Variants in HVCN1 observed in about 807,000 individuals in gnomAD.
HVCN1 encodes the protein hydrogen voltage gated channel 1.
Under a neutral mutation model 29.2 loss-of-function variants are expected in HVCN1, and 14 were observed. That is an observed-to-expected ratio of 0.48 (90% CI 0.32 to 0.75). The LOEUF is 0.75. HVCN1 is among the 30% of genes least tolerant of loss of function. HVCN1 has a pLI of 0.04. For missense variants in HVCN1, 263 were observed against 341.8 expected (o/e 0.77, Z 1.82); for synonymous variants, 131 against 133.2 (o/e 0.98, Z 0.11).
intron 1 of HVCN1, among the ~76,000 whole-genome samples, chr12:110,703,414 A>G (rs1425873675): frequency 6.6e-6 from 1 of 151,826 alleles, no homozygotes; most frequent in Non-Finnish European, 1.5e-5. Context: ...AAAAATTAAA[A>G]ATTAAAAAAA....
At chr12:110,669,299 G>A (rs575911648) in intron 3 of HVCN1, among the ~76,000 whole-genome samples, 1 of 151,934 alleles carries the variant, frequency 6.6e-6, no homozygotes, top group African/African-American at 2.4e-5. Flanking sequence ...TCCCTCACCA[G>A]AACCTGCCCT....
intron 3 of HVCN1, among the ~76,000 whole-genome samples, chr12:110,672,491 C>T (rs2068613901): frequency 6.6e-6 from 1 of 152,178 alleles, no homozygotes; most frequent in African/African-American, 2.4e-5. Flanking sequence ...GAAAGGGGTC[C>T]TCAATCTACG....
intron 5 of HVCN1, among the ~76,000 whole-genome samples, chr12:110,653,937 G>A (rs1566028173): frequency 6.6e-6 from 1 of 152,176 alleles, no homozygotes; most frequent in Non-Finnish European, 1.5e-5. Context: ...TGGCTCCATG[G>A]GAGAAAAACC....
intron 3 of HVCN1, among the ~76,000 whole-genome samples, chr12:110,681,736 C>T (rs539844320): frequency 6.6e-6 from 1 of 152,154 alleles, no homozygotes; most frequent in Non-Finnish European, 1.5e-5. Context: ...CTCACCCCTG[C>T]TGCTGCCCTG....
chr12:110,661,398 G>T lies in HVCN1; in HGVS notation c.72C>A (p.Phe24Leu), dbSNP rs2068166168. The change falls in exon 4 of 8, where the codon TTC becomes TTA. Residue 24 changes from phenylalanine (F) to leucine (L), a missense_variant. Transcript: ENST00000242607. The surrounding 1 kb of genome is among the most constrained non-coding windows in gnomAD (Gnocchi z 6.2). ...CTCCCACGACCGTGAAGTGCCTTAA[G>T]AACTTGCTCATCCTCTCAGCGGGAG... is the stretch of plus-strand genomic sequence containing the variant. Reference protein sequence around the residue: ...KVAPAERMSKFLRHFTVVGDD... With the variant: ...KVAPAERMSKLLRHFTVVGDD... 1 of 1,614,206 alleles carries T rather than the reference G, an allele frequency of 6.2e-7. No individual in the cohort carries two copies. Among genetic ancestry groups the T allele is most frequent in the Non-Finnish European group, 8.5e-7 (1 of 1,180,026 alleles).
chr12:110,653,731 A>G (rs965432379), intron 5 of HVCN1, among the ~76,000 whole-genome samples: 2 of 151,754 alleles, frequency 1.3e-5, no homozygotes, highest in Admixed American at 1.3e-4. Context: ...AATCCCAGTT[A>G]CTCTGGAGCT....
At chr12:110,662,984 C>T (rs1481369891) in intron 3 of HVCN1, among the ~76,000 whole-genome samples, 2 of 152,162 alleles carry the variant, frequency 1.3e-5, no homozygotes, top group Non-Finnish European at 2.9e-5. Flanking sequence ...CTCAAATAGC[C>T]AAGATGCTTA....
At chr12:110,700,398 G>A (rs1226238185) in intron 2 of HVCN1, among the ~76,000 whole-genome samples, 5 of 152,186 alleles carry the variant, frequency 3.3e-5, no homozygotes, top group African/African-American at 4.8e-5. Context: ...GGGCAGTGGC[G>A]TTTAAGCTGG....
chr12:110,674,665 G>C (rs538430040), intron 3 of HVCN1, among the ~76,000 whole-genome samples: 1 of 152,070 alleles, frequency 6.6e-6, no homozygotes, highest in African/African-American at 2.4e-5. Flanking sequence ...TGGGTTTATC[G>C]GGGTTTCTGC....
At chr12:110,704,623 A>G (rs1245878821) in intron 1 of HVCN1, among the ~76,000 whole-genome samples, 1 of 152,230 alleles carries the variant, frequency 6.6e-6, no homozygotes, top group Non-Finnish European at 1.5e-5. Flanking sequence ...GTGCCACTGC[A>G]CTATAGCCTG....
At position 110,680,645 on chromosome 12, in the gene HVCN1, G is replaced by A. The variant is rs116069819; in HGVS notation, c.21+2580C>T. 5.8e-3 allele frequency among the ~76,000 whole-genome samples: 887 copies of A among 152,246 alleles called. 3 individuals are homozygous for A. The highest frequency in any genetic ancestry group is 0.02 in the African/African-American group (851 of 41,548). ...TAATCAAAGACAGTGGGCCAGGTGC[G>A]GTGGCTCATGCCTGTAATTCTAGCA... On this transcript the variant is annotated intron_variant, in intron 3 of 7. Coordinates refer to ENST00000242607, the MANE Select transcript of HVCN1 (RefSeq NM_032369.4).
intron 4 of HVCN1, among the ~76,000 whole-genome samples, chr12:110,655,947 C>T (rs1171973003): frequency 6.6e-6 from 1 of 152,194 alleles, no homozygotes; most frequent in African/African-American, 2.4e-5. Context: ...CCAAGTGATC[C>T]ACCCACCTTG....
In HVCN1 at chr12:110,694,947, C is replaced by T. The variant is rs2069465855; in HGVS notation, c.-103-6239G>A. Among the ~76,000 whole-genome samples, 1 of 152,198 alleles carries T rather than the reference C, an allele frequency of 6.6e-6. No homozygotes were observed. Among genetic ancestry groups the T allele is most frequent in the Non-Finnish European group, 1.5e-5 (1 of 68,034 alleles). On this transcript the variant is annotated intron_variant, in intron 2 of 4. Coordinates refer to the HVCN1 transcript ENST00000546713. This position sits in a 1 kb window ranked among gnomAD's most constrained non-coding sequence, Gnocchi z 4.6. ...ATCCTGCCTCAATGGTTTCCCTTGC[C>T]CGCTGGGTGATCTGTCATCAATTCA...
At chr12:110,693,824 T>C (rs2069449976), upstream of HVCN1, among the ~76,000 whole-genome samples, 1 of 152,224 alleles carries the variant, frequency 6.6e-6, no homozygotes, top group Non-Finnish European at 1.5e-5. Context: ...GTTTTATGCA[T>C]TGAAAAACAT....
chr12:110,689,242 C>G (rs2069338539), upstream of HVCN1: 1 of 148,202 alleles, frequency 6.7e-6, no homozygotes, highest in Admixed American at 6.7e-5. The surrounding 1 kb of genome is among the most constrained non-coding windows in gnomAD (Gnocchi z 5.7). Context: ...GGTCGGCGGG[C>G]TTCTAGGCCT....
chr12:110,649,227 C>A lies in HVCN1; in HGVS notation c.*183G>T, dbSNP rs1593418483. On this transcript the variant is annotated 3_prime_UTR_variant, in exon 8 of 8. Coordinates refer to ENST00000242607, the MANE Select transcript of HVCN1 (RefSeq NM_032369.4). ...ACAGTGTGGGGTGGGAGTGGATGGG[C>A]AGCTCTTGGTGGTACTGGACCTTCC... 7.4e-6 allele frequency: 5 copies of A among 671,980 alleles called. No homozygotes were observed. The highest frequency in any genetic ancestry group is 4.6e-5 in the Admixed American group (2 of 43,656). The allele number at this position is 671,980 out of a possible 1,614,324, so 41.6% of individuals were successfully genotyped here.
intron 2 of HVCN1, among the ~76,000 whole-genome samples, chr12:110,697,055 G>A (rs2069504840): frequency 6.6e-6 from 1 of 151,882 alleles, no homozygotes; most frequent in African/African-American, 2.4e-5. Flanking sequence ...GGAGAGGAAG[G>A]GGCAGAGCAC....
rs559476601 is a variant in HVCN1, at chr12:110,699,044, C to T, written c.-104+3265G>A. On this transcript the variant is annotated intron_variant, in intron 2 of 4. Transcript: ENST00000546713. ...TCGGGAGGCTGAGGCAGAAGAATCA[C>T]GTGAACCCGGGAGGTGGAGGTTGCA... Among the ~76,000 whole-genome samples the T allele has an allele frequency of 1.1e-4, 17 of 152,324 alleles. 1 individual carries two copies. Among genetic ancestry groups the T allele is most frequent in the African/African-American group, 4.1e-4 (17 of 41,566 alleles).
At chr12:110,678,790 A>G (rs1420852326) in intron 3 of HVCN1, among the ~76,000 whole-genome samples, 1 of 152,024 alleles carries the variant, frequency 6.6e-6, no homozygotes, top group East Asian at 1.9e-4. Context: ...AGCCCACTCA[A>G]TGGATTTCAG....
Sources: allele counts gnomAD v4.1 joint callset (sites outside exome capture counted in the v4.1 genomes callset), GRCh38; gene constraint gnomAD v4.1.1; non-coding constraint Gnocchi (gnomAD v3.1); transcripts MANE v1.5; gene names NCBI Gene and HGNC (gene_info 2026-07-23, HGNC 2026-07-21).